Variants in SOX6 observed in about 807,000 individuals in gnomAD.
The protein encoded by SOX6 is transcription factor SOX-6.
A neutral mutation model predicts 97.8 loss-of-function variants in SOX6; 11 were observed. That is an observed-to-expected ratio of 0.11 (90% CI 0.07 to 0.19). The LOEUF is 0.19. Among genes scored for constraint, SOX6 ranks in the 10% least tolerant of loss-of-function variants. The pLI, the probability that SOX6 is intolerant of heterozygous loss-of-function variation, is 1.00. For synonymous variants in SOX6, 360 were observed against 371.4 expected, an observed-to-expected ratio of 0.97 and a Z score of 0.35; for missense variants, 810 against 1,039.5, an observed-to-expected ratio of 0.78 and a Z score of 3.04.
At chr11:16,081,695 T>C (rs986253152) in intron 9 of SOX6, among the ~76,000 whole-genome samples, 2 of 152,188 alleles carry the variant, frequency 1.3e-5, no homozygotes, top group African/African-American at 4.8e-5. Flanking sequence ...TGTTTTACTA[T>C]AATTTACAGC....
intron 6 of SOX6, among the ~76,000 whole-genome samples, chr11:16,115,098 T>C (rs1326146584): frequency 6.6e-6 from 1 of 152,158 alleles, no homozygotes; most frequent in Non-Finnish European, 1.5e-5. Flanking sequence ...TACTAAATAT[T>C]AGCCCAGAGG....
intron 1 of SOX6, among the ~76,000 whole-genome samples, chr11:16,405,516 G>C (rs1256368090): frequency 6.6e-6 from 1 of 151,976 alleles, no homozygotes; most frequent in Non-Finnish European, 1.5e-5. Flanking sequence ...CCCTACTTCT[G>C]TCCAGAACAC....
intron 6 of SOX6, among the ~76,000 whole-genome samples, chr11:16,120,479 T>G (rs1849461354): frequency 6.6e-6 from 1 of 151,622 alleles, no homozygotes; most frequent in South Asian, 2.1e-4. Context: ...TGTTATAGTT[T>G]AAAAGCATCC....
intron 3 of SOX6, among the ~76,000 whole-genome samples, chr11:16,258,977 A>G (rs977201228): frequency 2.2e-5 from 2 of 92,950 alleles, no homozygotes; most frequent in Non-Finnish European, 4.6e-5. Flanking sequence ...TGAACCTGAA[A>G]CTGCTATTAA....
intron 4 of SOX6, among the ~76,000 whole-genome samples, chr11:16,192,254 T>C (rs1851652079): frequency 6.6e-6 from 1 of 152,208 alleles, no homozygotes; most frequent in African/African-American, 2.4e-5. Flanking sequence ...ATCTGTAAAA[T>C]TGCTACATTC....
At chr11:16,556,214 T>TA (rs1187081955) in intron 4 of SOX6, among the ~76,000 whole-genome samples, 2 of 151,746 alleles carry the variant, frequency 1.3e-5, no homozygotes, top group Admixed American at 1.3e-4. Context: ...ATTACAGCCA[T>TA]AGCCTACAAA....
At chr11:16,179,659 G>C in intron 6 of SOX6, among the ~76,000 whole-genome samples, 1 of 151,760 alleles carries the variant, frequency 6.6e-6, no homozygotes, top group East Asian at 1.9e-4. Context: ...AAGAAAACAA[G>C]GCACTAAAAA....
intron 10 of SOX6, among the ~76,000 whole-genome samples, chr11:16,050,892 C>T (rs1018178000): frequency 6.6e-6 from 1 of 152,028 alleles, no homozygotes; most frequent in Non-Finnish European, 1.5e-5. Context: ...ATAAAATTGT[C>T]GGCAAATGTT....
At chr11:16,052,050 T>C (rs1246189902) in intron 10 of SOX6, among the ~76,000 whole-genome samples, 3 of 152,196 alleles carry the variant, frequency 2.0e-5, no homozygotes, top group African/African-American at 7.2e-5. Flanking sequence ...AGGTTTTTCA[T>C]GTCTTGCTTT....
At chr11:16,485,737 A>G (rs1860416993) in intron 4 of SOX6, among the ~76,000 whole-genome samples, 1 of 150,080 alleles carries the variant, frequency 6.7e-6, no homozygotes, top group Non-Finnish European at 1.5e-5. Flanking sequence ...TCTCAAAAAA[A>G]AAAAAAATTA....
chr11:15,984,396 T>C (rs1004953337), intron 15 of SOX6, among the ~76,000 whole-genome samples: 1 of 152,138 alleles, frequency 6.6e-6, no homozygotes, highest in Non-Finnish European at 1.5e-5. Context: ...TATCACTACA[T>C]ACACAGGGAA....
At position 16,136,860 on chromosome 11, in the gene SOX6, A is replaced by AT. The variant is rs532585941; in HGVS notation, c.778-24938dup. Among the ~76,000 whole-genome samples the AT allele has an allele frequency of 3.7e-4, 57 of 152,306 alleles. 1 individual carries two copies. The highest frequency in any genetic ancestry group is 3.0e-3 in the Admixed American group (46 of 15,296). On this transcript the variant is annotated intron_variant, in intron 6 of 15. Transcript: ENST00000683767. Reference sequence around the variant, plus strand: ...GTCCCTGAGGTATGCCTACATAAGTATATAGTCTCTCCAGACCATAAACCA... The same window carrying AT: ...GTCCCTGAGGTATGCCTACATAAGTATTATAGTCTCTCCAGACCATAAACCA...
intron 1 of SOX6, among the ~76,000 whole-genome samples, chr11:16,351,684 C>T (rs1027336842): frequency 1.3e-4 from 20 of 152,054 alleles, no homozygotes; most frequent in Non-Finnish European, 2.4e-4. Context: ...TCCCTATTTT[C>T]CTCACTTTCC....
intron 4 of SOX6, among the ~76,000 whole-genome samples, chr11:16,535,389 T>C (rs1315208084): frequency 3.3e-5 from 5 of 152,150 alleles, no homozygotes; most frequent in Non-Finnish European, 7.4e-5. Flanking sequence ...ATTCAAAAAA[T>C]TGGTCTTGGC....
At chr11:16,556,842 C>T (rs1429108417) in intron 4 of SOX6, among the ~76,000 whole-genome samples, 2 of 151,650 alleles carry the variant, frequency 1.3e-5, no homozygotes, top group African/African-American at 2.4e-5. Flanking sequence ...AATAACGTAA[C>T]GATTTATAGC....
intron 3 of SOX6, among the ~76,000 whole-genome samples, chr11:16,291,230 TA>T (rs1461549791): frequency 0.075 from 10 of 134 alleles, no homozygotes; most frequent in Admixed American, 0.17. Flanking sequence ...TCTATAAATT[TA>T]TATATATATA....
At chr11:16,047,489 GT>G (rs1278729790) in intron 11 of SOX6, among the ~76,000 whole-genome samples, 1 of 152,102 alleles carries the variant, frequency 6.6e-6, no homozygotes, top group East Asian at 1.9e-4. Context: ...TACTTCCAGT[GT>G]ATTTCAAGCA....
intron 2 of SOX6, among the ~76,000 whole-genome samples, chr11:16,725,325 A>G (rs1848298734): frequency 6.6e-6 from 1 of 152,188 alleles, no homozygotes; most frequent in African/African-American, 2.4e-5. Flanking sequence ...GGAGTTAGAC[A>G]CCGGTGTGGA....
At chr11:16,528,094 C>T (rs182425001) in intron 4 of SOX6, among the ~76,000 whole-genome samples, 27 of 152,170 alleles carry the variant, frequency 1.8e-4, no homozygotes, top group Non-Finnish European at 3.5e-4. Context: ...TCTCAGTTTG[C>T]AGGTACATCC....
Sources: gnomAD v4.1 joint callset for allele counts (sites outside exome capture counted in the v4.1 genomes callset) on GRCh38, gnomAD v4.1.1 for gene constraint, MANE v1.5 for transcripts, NCBI Gene and HGNC (gene_info 2026-07-23, HGNC 2026-07-21) for gene names.